CFH: variants seen among roughly 807,000 people sequenced by gnomAD.
CFH encodes the protein complement factor H, also known as H factor 1 (complement).
Under a neutral mutation model 147.3 loss-of-function variants are expected in CFH, and 53 were observed. The ratio of observed to expected loss-of-function variants is 0.36; its 90% CI spans 0.29 to 0.45. The LOEUF (loss-of-function observed/expected upper bound fraction) is 0.45. Ranked by LOEUF, CFH falls within the 20% of genes least tolerant of loss-of-function variation. The pLI is 1.00. For synonymous variants in CFH, 536 were observed against 489.4 expected, an observed-to-expected ratio of 1.10 and a Z score of -1.26; for missense variants, 1,380 against 1,498.0, an observed-to-expected ratio of 0.92 and a Z score of 1.30.
chr1:196,728,168 A>G lies in CFH; in HGVS notation c.2237-178A>G, dbSNP rs575087674. 2.8e-4 allele frequency among the ~76,000 whole-genome samples: 43 copies of G among 152,246 alleles called. 1 individual carries two copies. Among genetic ancestry groups the G allele is most frequent in the Non-Finnish European group, 5.6e-4 (38 of 68,002 alleles). ...TTCAGCGACAGAATACAGGGCTTAT[A>G]TTTTGACATAATAGCATTTTGATGC... On this transcript the variant is annotated intron_variant, in intron 14 of 21. Coordinates refer to ENST00000367429, the MANE Select transcript of CFH (RefSeq NM_000186.4).
At chr1:196,679,829 T>G (rs1222490652) in intron 6 of CFH, 36 bp downstream of exon 6, 7 of 1,544,898 alleles carry the variant, frequency 4.5e-6, no homozygotes, top group South Asian at 1.2e-5. Context: ...CTTTATAAAT[T>G]TATCACATAT....
intron 3 of CFH, 47 bp downstream of exon 3, chr1:196,674,009 G>A (rs753980837): frequency 4.1e-6 from 5 of 1,227,326 alleles, no homozygotes; most frequent in Admixed American, 3.4e-5. Flanking sequence ...ATAGTAAATA[G>A]GAACTCTACT....
intron 9 of CFH, among the ~76,000 whole-genome samples, chr1:196,699,955 A>T (rs898765537): frequency 2.0e-5 from 3 of 152,150 alleles, no homozygotes; most frequent in Non-Finnish European, 4.4e-5. Flanking sequence ...TGTCACTAGA[A>T]TCTTTGTTCT....
chr1:196,714,900 C>G (rs1414914736), intron 10 of CFH, among the ~76,000 whole-genome samples: 1 of 150,852 alleles, frequency 6.6e-6, no homozygotes, highest in Non-Finnish European at 1.5e-5. Flanking sequence ...AGGGTTTTGC[C>G]ATGTTAGCCA....
chr1:196,672,657 T>G (rs905179874), intron 1 of CFH, among the ~76,000 whole-genome samples: 3 of 152,320 alleles, frequency 2.0e-5, no homozygotes, highest in South Asian at 4.1e-4. Flanking sequence ...AATGGAAGAA[T>G]AGTAGAATGC....
chr1:196,705,989 A>G (rs1668574700), intron 9 of CFH, among the ~76,000 whole-genome samples: 1 of 152,130 alleles, frequency 6.6e-6, no homozygotes, highest in African/African-American at 2.4e-5. Context: ...CATGACCAAA[A>G]TTCCCTTTAA....
intron 11 of CFH, among the ~76,000 whole-genome samples, chr1:196,722,210 T>C (rs527875717): frequency 1.3e-5 from 2 of 152,226 alleles, no homozygotes; most frequent in Non-Finnish European, 2.9e-5. Flanking sequence ...TGTTCAGGAC[T>C]CCCTGGATCA....
chr1:196,720,621 T>C (rs920356800), intron 11 of CFH, among the ~76,000 whole-genome samples: 3 of 151,430 alleles, frequency 2.0e-5, no homozygotes, highest in African/African-American at 4.8e-5. Context: ...GATTTTATTC[T>C]TTTTTTTTCT....
chr1:196,728,733 GCACA>G (rs34018998), intron 15 of CFH, among the ~76,000 whole-genome samples: 31,787 of 145,018 alleles, frequency 0.22, 3,595 homozygotes, highest in East Asian at 0.39. Context: ...ACACACACAC[GCACA>G]CACACACACA....
chr1:196,671,777 A>T (rs757759528), intron 1 of CFH, among the ~76,000 whole-genome samples: 42 of 149,678 alleles, frequency 2.8e-4, no homozygotes, highest in Admixed American at 5.4e-4. Flanking sequence ...ATATAATAAA[A>T]GCCATTTATA....
Position 196,746,014 on chromosome 1 carries a change from A to G in CFH, c.3493+15A>G, listed in dbSNP as rs1353094240. On this transcript the variant is annotated intron_variant, in intron 21 of 21. Transcript: ENST00000367429. Reference sequence around the variant, plus strand: ...AAAATGCTTACGTAAGTACTTTAATATTCACGTGGCTGGAAAAATCTCTGT... The same window carrying G: ...AAAATGCTTACGTAAGTACTTTAATGTTCACGTGGCTGGAAAAATCTCTGT... The G allele has an allele frequency of 8.1e-6, 13 of 1,614,028 alleles. No individual in the cohort carries two copies. The highest frequency in any genetic ancestry group is 1.7e-5 in the Admixed American group (1 of 60,010).
intron 7 of CFH, among the ~76,000 whole-genome samples, chr1:196,685,764 A>C (rs1462250500): frequency 6.6e-6 from 1 of 152,042 alleles, no homozygotes. Flanking sequence ...TGTTGTCAGG[A>C]GGCCTCAGGT....
intron 8 of CFH, 26 bp downstream of exon 8, chr1:196,689,640 T>A: frequency 6.2e-7 from 1 of 1,610,052 alleles, no homozygotes; most frequent in South Asian, 1.1e-5. Flanking sequence ...AACTGCTATA[T>A]ATATGTATAA....
At chr1:196,676,680 C>T (rs1341746020) in intron 4 of CFH, among the ~76,000 whole-genome samples, 5 of 151,956 alleles carry the variant, frequency 3.3e-5, no homozygotes, top group Non-Finnish European at 7.4e-5. Flanking sequence ...TTCCTAATTC[C>T]ACAGTGAGTG....
chr1:196,677,720 A>G (rs938458460), intron 5 of CFH, 53 bp downstream of exon 5: 5 of 1,483,814 alleles, frequency 3.4e-6, no homozygotes, highest in Non-Finnish European at 2.8e-6. Context: ...GTAAATATAC[A>G]TTTAAAACAT....
intron 5 of CFH, chr1:196,678,274 T>A (rs969566118): frequency 6.5e-6 from 1 of 153,926 alleles, no homozygotes; most frequent in South Asian, 2.0e-4. Flanking sequence ...AGTTTTATAG[T>A]AAACTGTAAG....
At chr1:196,663,058 A>G (rs954484407) in intron 1 of CFH, among the ~76,000 whole-genome samples, 4 of 152,032 alleles carry the variant, frequency 2.6e-5, no homozygotes, top group Non-Finnish European at 2.9e-5. Flanking sequence ...TTAAATTAAT[A>G]TTTTTCTCTA....
chr1:196,671,563 G>T (rs1304207592), intron 1 of CFH, among the ~76,000 whole-genome samples: 1 of 141,852 alleles, frequency 7.0e-6, no homozygotes. Flanking sequence ...AATCTGGTTG[G>T]TTTCTTCTAT....
rs547830197 is a variant in CFH at position 196,684,933 on chromosome 1, T to C, written c.791-131T>C. 27 of 704,616 alleles carry C rather than the reference T, an allele frequency of 3.8e-5. No individual in the cohort carries two copies. In the African/African-American group the frequency reaches 4.6e-4, roughly 12 times the overall value. The allele number at this position is 704,616 out of a possible 1,614,324, so 43.6% of individuals were successfully genotyped here. ...ATATACCAGAAAGGATACTATGATA[T>C]GTTCATTTTAATGCCATTTTGTATT... On this transcript the variant is annotated intron_variant, in intron 6 of 21. Transcript: ENST00000367429.
Sources: allele counts gnomAD v4.1 joint callset (sites outside exome capture counted in the v4.1 genomes callset), GRCh38; gene constraint gnomAD v4.1.1; transcripts MANE v1.5; gene names NCBI Gene and HGNC (gene_info 2026-07-23, HGNC 2026-07-21).